Variants in FOXP1 observed in about 807,000 individuals in gnomAD.
The protein encoded by FOXP1 is forkhead box protein P1.
A neutral mutation model predicts 98.2 loss-of-function variants in FOXP1; 15 were observed. That is an observed-to-expected ratio of 0.15 (90% CI 0.10 to 0.24). The LOEUF is 0.24. FOXP1 is among the 10% of genes least tolerant of loss of function. The pLI is 1.00. For missense variants in FOXP1, 633 were observed against 848.5 expected (o/e 0.75, Z 3.15); for synonymous variants, 371 against 314.5 (o/e 1.18, Z -1.90).
chr3:70,998,484 T>C (rs927963761), intron 13 of FOXP1, among the ~76,000 whole-genome samples: 2 of 152,220 alleles, frequency 1.3e-5, no homozygotes, highest in Non-Finnish European at 2.9e-5. Flanking sequence ...GTCATCACTC[T>C]GATAATTCCC....
At chr3:71,484,664 G>A (rs2090525254) in intron 3 of FOXP1, among the ~76,000 whole-genome samples, 1 of 152,128 alleles carries the variant, frequency 6.6e-6, no homozygotes, top group African/African-American at 2.4e-5. Context: ...TCGGGGTTAC[G>A]GTATTATTGA....
At chr3:71,581,144 G>A (rs2107889650) in intron 2 of FOXP1, 1 of 981,980 alleles carries the variant, frequency 1.0e-6, no homozygotes, top group East Asian at 1.1e-4. Flanking sequence ...GAATTAAGAC[G>A]AAAGCATAGG....
chr3:71,055,779 C>T (rs994712939), intron 7 of FOXP1, among the ~76,000 whole-genome samples: 5 of 152,174 alleles, frequency 3.3e-5, no homozygotes, highest in African/African-American at 1.2e-4. Flanking sequence ...CATCATCATA[C>T]GGGGAGGTTT....
At chr3:71,581,851 G>A in intron 1 of FOXP1, 154 bp from the exon 2 acceptor site, 1 of 986,130 alleles carries the variant, frequency 1.0e-6, no homozygotes, top group Non-Finnish European at 1.2e-6. Flanking sequence ...GGAGGGAAGA[G>A]AGGATGCGGC....
chr3:71,466,186 G>A (rs1275838887), intron 3 of FOXP1, among the ~76,000 whole-genome samples: 2 of 152,120 alleles, frequency 1.3e-5, no homozygotes, highest in East Asian at 3.9e-4. Flanking sequence ...TTTCAAGGAC[G>A]CTTCCTCTGC....
chr3:71,098,292 C>T (rs1229380484), intron 7 of FOXP1, among the ~76,000 whole-genome samples: 1 of 152,136 alleles, frequency 6.6e-6, no homozygotes, highest in African/African-American at 2.4e-5. Context: ...CTGTATTTTG[C>T]CTTTAGTCTC....
At chr3:71,090,951 G>A (rs921949660) in intron 7 of FOXP1, among the ~76,000 whole-genome samples, 1 of 152,058 alleles carries the variant, frequency 6.6e-6, no homozygotes, top group Non-Finnish European at 1.5e-5. Context: ...GAAAGCCTCA[G>A]TATTATATAA....
At chr3:71,326,441 TAAC>T (rs1190792994) in intron 4 of FOXP1, among the ~76,000 whole-genome samples, 2 of 152,022 alleles carry the variant, frequency 1.3e-5, no homozygotes, top group African/African-American at 4.8e-5. Context: ...ACAACAATAA[TAAC>T]AACAACAAAC....
At chr3:71,107,751 C>G (rs981612911) in intron 7 of FOXP1, among the ~76,000 whole-genome samples, 2 of 152,220 alleles carry the variant, frequency 1.3e-5, no homozygotes, top group African/African-American at 2.4e-5. Context: ...CAGGTTTCCT[C>G]TTGCCAATTT....
chr3:71,300,247 CACA>C (rs2073730763), intron 4 of FOXP1, among the ~76,000 whole-genome samples: 1 of 152,134 alleles, frequency 6.6e-6, no homozygotes, highest in South Asian at 2.1e-4. Context: ...GGTTAATATC[CACA>C]ACATCTCTTA....
At chr3:71,351,082 A>C (rs113782366) in intron 4 of FOXP1, among the ~76,000 whole-genome samples, 1 of 152,164 alleles carries the variant, frequency 6.6e-6, no homozygotes, top group Non-Finnish European at 1.5e-5. Flanking sequence ...TTAAGAAAAG[A>C]TCTTTTCTGC....
chr3:71,121,236 C>G (rs540325940), intron 6 of FOXP1, among the ~76,000 whole-genome samples: 6 of 152,028 alleles, frequency 3.9e-5, no homozygotes, highest in South Asian at 2.1e-4. Flanking sequence ...CAAACCCCAC[C>G]GCCAATCAAG....
chr3:71,177,451 G>C (rs912766271), intron 6 of FOXP1, among the ~76,000 whole-genome samples: 1 of 152,194 alleles, frequency 6.6e-6, no homozygotes, highest in South Asian at 2.1e-4. Context: ...ACTCAATGGG[G>C]AAGGAGAGCA....
intron 3 of FOXP1, among the ~76,000 whole-genome samples, chr3:71,408,414 G>A (rs767849636): frequency 5.9e-5 from 9 of 152,106 alleles, no homozygotes; most frequent in Non-Finnish European, 1.3e-4. Context: ...AATCAGGCTC[G>A]CACACAGCCG....
intron 3 of FOXP1, among the ~76,000 whole-genome samples, chr3:71,464,203 G>GA (rs2088457911): frequency 6.6e-6 from 1 of 152,176 alleles, no homozygotes; most frequent in South Asian, 2.1e-4. Context: ...CTGAGCCCGG[G>GA]AGACGGAGGT....
chr3:70,968,438 A>C (rs2107099410), intron 19 of FOXP1: 1 of 150,754 alleles, frequency 6.6e-6, no homozygotes, highest in Non-Finnish European at 1.5e-5. Context: ...TTAATTATAT[A>C]AATGGTCCTT....
intron 6 of FOXP1, among the ~76,000 whole-genome samples, chr3:71,180,936 A>G (rs1271974436): frequency 6.6e-6 from 1 of 152,144 alleles, no homozygotes; most frequent in Non-Finnish European, 1.5e-5. Flanking sequence ...GAAATTCTGT[A>G]TTGATTAGGA....
intron 3 of FOXP1, among the ~76,000 whole-genome samples, chr3:71,372,473 T>G (rs144229225): frequency 1.3e-5 from 2 of 152,308 alleles, no homozygotes; most frequent in African/African-American, 4.8e-5. Flanking sequence ...TCACTTGCAC[T>G]CTCTGCTTCT....
chr3:71,344,646 G>C (rs1198056470), intron 4 of FOXP1, among the ~76,000 whole-genome samples: 2 of 151,846 alleles, frequency 1.3e-5, no homozygotes, highest in East Asian at 3.9e-4. Context: ...AGACCAGACT[G>C]ACCAACATGG....
Sources: gnomAD v4.1 joint callset for allele counts (sites outside exome capture counted in the v4.1 genomes callset) on GRCh38, gnomAD v4.1.1 for gene constraint, MANE v1.5 for transcripts, NCBI Gene and HGNC (gene_info 2026-07-23, HGNC 2026-07-21) for gene names.